Variants in SYNPR observed in about 807,000 individuals in gnomAD.
SYNPR encodes synaptoporin.
A neutral mutation model predicts 32.9 loss-of-function variants in SYNPR; 23 were observed. That is an observed-to-expected ratio of 0.70 (90% CI 0.50 to 0.99). The LOEUF (loss-of-function observed/expected upper bound fraction) is 0.99, where lower values mean the gene tolerates loss of function less well. Ranked by LOEUF, SYNPR falls within the 50% of genes least tolerant of loss-of-function variation. The probability of loss-of-function intolerance (pLI) is 0.00; values close to 1 mark genes in which losing one functional copy is unlikely to be tolerated. For missense variants in SYNPR, 318 were observed against 349.3 expected (o/e 0.91, Z 0.71); for synonymous variants, 146 against 135.9 (o/e 1.07, Z -0.52).
At chr3:63,377,139 T>G (rs7619743) in intron 2 of SYNPR, among the ~76,000 whole-genome samples, 5,515 of 152,274 alleles carry the variant, frequency 0.036, 299 homozygotes, top group African/African-American at 0.12. Flanking sequence ...AAGATTAATG[T>G]TAATAGATTC....
chr3:63,438,348 T>A (rs1045400644), intron 2 of SYNPR, among the ~76,000 whole-genome samples: 2 of 152,176 alleles, frequency 1.3e-5, no homozygotes, highest in Non-Finnish European at 2.9e-5. Flanking sequence ...GTGTAGAAAT[T>A]TTTTAATAAA....
intron 3 of SYNPR, among the ~76,000 whole-genome samples, chr3:63,539,451 G>GAAA (rs1207830714): frequency 7.2e-5 from 11 of 151,978 alleles, no homozygotes; most frequent in African/African-American, 2.7e-4. Flanking sequence ...TTCCTTCTCT[G>GAAA]GTATCTAAAT....
chr3:63,276,922 A>G (rs557518949), upstream of SYNPR, among the ~76,000 whole-genome samples: 3 of 151,108 alleles, frequency 2.0e-5, no homozygotes, highest in South Asian at 6.3e-4. Context: ...CAACACACAC[A>G]TACACACCCA....
chr3:63,437,661 GAGAA>G (rs1400249376), intron 2 of SYNPR, among the ~76,000 whole-genome samples: 61 of 151,758 alleles, frequency 4.0e-4, no homozygotes, highest in Non-Finnish European at 2.9e-5. Flanking sequence ...GAGGGAGGGA[GAGAA>G]AGAAAGAAAA....
chr3:63,268,026 A>G (rs927049899), intron 3 of SYNPR, among the ~76,000 whole-genome samples: 2 of 152,214 alleles, frequency 1.3e-5, no homozygotes, highest in African/African-American at 4.8e-5. Context: ...ATTTCCAGTC[A>G]CTTGAATATT....
At chr3:63,232,573 C>T (rs2086174661) in intron 1 of SYNPR, among the ~76,000 whole-genome samples, 1 of 152,136 alleles carries the variant, frequency 6.6e-6, no homozygotes, top group Non-Finnish European at 1.5e-5. Context: ...TCTTCAGCAC[C>T]TCCAAAATTA....
chr3:63,591,147 G>T (rs1703293899), intron 4 of SYNPR, among the ~76,000 whole-genome samples: 1 of 150,094 alleles, frequency 6.7e-6, no homozygotes, highest in South Asian at 2.2e-4. Flanking sequence ...GTGGGCGAAG[G>T]ACATGAACAG....
At position 63,286,037 on chromosome 3, in the gene SYNPR, G is replaced by T. The variant is rs192597044; in HGVS notation, c.84+7295G>T. 2.0e-5 allele frequency among the ~76,000 whole-genome samples: 3 copies of T among 152,278 alleles called. No individual in the cohort carries two copies. In the East Asian group the frequency reaches 5.8e-4, roughly 29 times the overall value. On this transcript the variant is annotated intron_variant, in intron 2 of 5. Transcript: ENST00000478300. The stretch of plus-strand genomic sequence containing the variant: ...TACAGATAACTTTTTGCAAGTTAAA[G>T]TCTTGGCAAAACTCTGAGGTAGAAA...
chr3:63,219,267 C>T, the SYNPR span, among the ~76,000 whole-genome samples: 10 of 152,214 alleles, frequency 6.6e-5, no homozygotes, highest in South Asian at 1.7e-3. Context: ...TGTAAGTCTG[C>T]GAGCAGGAAA....
chr3:63,268,802 C>T (rs2086511543), intron 3 of SYNPR, among the ~76,000 whole-genome samples: 1 of 152,148 alleles, frequency 6.6e-6, no homozygotes, highest in African/African-American at 2.4e-5. Flanking sequence ...ATTTAGAAAA[C>T]TTAATATCAA....
At chr3:63,462,355 G>A (rs756350404) in intron 2 of SYNPR, among the ~76,000 whole-genome samples, 43 of 151,944 alleles carry the variant, frequency 2.8e-4, no homozygotes, top group Admixed American at 8.5e-4. Flanking sequence ...AAATAAATAC[G>A]CATACACCCA....
chr3:63,303,847 G>T (rs1440608507), intron 2 of SYNPR, among the ~76,000 whole-genome samples: 1 of 151,888 alleles, frequency 6.6e-6, no homozygotes, highest in Admixed American at 6.6e-5. Context: ...TACATCATTG[G>T]TATTGCCAGT....
chr3:63,450,874 C>T (rs142512978), intron 2 of SYNPR, among the ~76,000 whole-genome samples: 12 of 152,272 alleles, frequency 7.9e-5, no homozygotes, highest in Middle Eastern at 3.4e-3. Flanking sequence ...CTGTAATTAT[C>T]GAGACCCTTG....
intron 2 of SYNPR, among the ~76,000 whole-genome samples, chr3:63,443,867 T>G (rs1220112120): frequency 1.3e-5 from 2 of 152,218 alleles, no homozygotes; most frequent in African/African-American, 2.4e-5. Context: ...TCTTCATCAG[T>G]GTCAGAGTGA....
intron 2 of SYNPR, among the ~76,000 whole-genome samples, chr3:63,252,975 G>A (rs1356286560): frequency 2.0e-5 from 3 of 151,272 alleles, no homozygotes; most frequent in Admixed American, 6.6e-5. Flanking sequence ...GGAGGTGGAG[G>A]TTGCAGTGAG....
intron 2 of SYNPR, among the ~76,000 whole-genome samples, chr3:63,434,056 C>T (rs1700037783): frequency 6.6e-6 from 1 of 151,990 alleles, no homozygotes; most frequent in African/African-American, 2.4e-5. Context: ...CATGACTAGG[C>T]TTTTTGGAGC....
intron 2 of SYNPR, among the ~76,000 whole-genome samples, chr3:63,323,454 C>T (rs537930369): frequency 6.6e-6 from 1 of 152,134 alleles, no homozygotes; most frequent in African/African-American, 2.4e-5. Context: ...AGATTAAATC[C>T]TTGAACTTCA....
At chr3:63,342,192 C>T (rs745834006) in intron 2 of SYNPR, among the ~76,000 whole-genome samples, 19 of 152,272 alleles carry the variant, frequency 1.2e-4, no homozygotes, top group African/African-American at 3.9e-4. Context: ...TATTTCTTGG[C>T]TCTCTATATT....
intron 3 of SYNPR, among the ~76,000 whole-genome samples, chr3:63,521,234 T>C (rs965141705): frequency 3.9e-5 from 6 of 152,134 alleles, no homozygotes; most frequent in African/African-American, 1.4e-4. Context: ...ATACAGATTC[T>C]TGGAACCACT....
Sources: allele counts gnomAD v4.1 joint callset (sites outside exome capture counted in the v4.1 genomes callset), GRCh38; gene constraint gnomAD v4.1.1; transcripts MANE v1.5; gene names NCBI Gene and HGNC (gene_info 2026-07-23, HGNC 2026-07-21).